Variants in TRAP1 observed in about 807,000 individuals in gnomAD.
TRAP1 encodes the protein heat shock protein 75 kDa, mitochondrial.
Under a neutral mutation model 89.1 loss-of-function variants are expected in TRAP1, and 102 were observed. That is an observed-to-expected ratio of 1.15 (90% confidence interval 0.98 to 1.35). The LOEUF (loss-of-function observed/expected upper bound fraction) is 1.35. Among genes scored for constraint, TRAP1 ranks in the 40% most tolerant of loss-of-function variants. The pLI is 0.00. For synonymous variants in TRAP1, 508 were observed against 388.0 expected (o/e 1.31, Z -3.64); for missense variants, 1,256 against 945.3 (o/e 1.33, Z -4.31).
In TRAP1 at chr16:3,680,192, G is replaced by A. The variant is rs151121304; in HGVS notation, c.472-402C>T. 105 of 168,230 alleles carry A rather than the reference G, an allele frequency of 6.2e-4. 1 individual carries two copies. Among genetic ancestry groups the A allele is most frequent in the African/African-American group, 1.7e-3 (70 of 41,964 alleles). The allele number at this position is 168,230 out of a possible 1,614,324, so 10.4% of individuals were successfully genotyped here. Reference sequence around the variant, plus strand: ...AGAGACTGCAGTGAACTGAGATTGCGCCACTGCACTCCAGCCTGGGTGACA... The same window carrying A: ...AGAGACTGCAGTGAACTGAGATTGCACCACTGCACTCCAGCCTGGGTGACA... On this transcript the variant is annotated intron_variant, in intron 4 of 17. Transcript: ENST00000246957.
At chr16:3,663,766 C>G in intron 13 of TRAP1, 1 of 611,816 alleles carries the variant, frequency 1.6e-6, no homozygotes. Flanking sequence ...GGCAGAAGCA[C>G]TCCACGCATA....
At chr16:3,672,587 G>A (rs1268248144) in intron 10 of TRAP1, 113 bp downstream of exon 10, 1 of 1,438,124 alleles carries the variant, frequency 7.0e-7, no homozygotes, top group Non-Finnish European at 9.1e-7. Context: ...CAGGCCGACG[G>A]CGGTGCTCTC....
chr16:3,698,724 T>A (rs773841010), intron 1 of TRAP1, among the ~76,000 whole-genome samples: 1 of 151,898 alleles, frequency 6.6e-6, no homozygotes, highest in South Asian at 2.1e-4. Flanking sequence ...CTGGGTAACA[T>A]GGCAAAACCC....
rs557036117 is a variant in TRAP1 at position 3,695,946 on chromosome 16, G to T, written c.89-4961C>A. Among the ~76,000 whole-genome samples, 4 of 152,304 alleles carry T rather than the reference G, an allele frequency of 2.6e-5. No homozygotes were observed. The East Asian group carries it at 7.7e-4, about 29-fold the overall frequency. On this transcript the variant is annotated intron_variant, in intron 1 of 17. Transcript: ENST00000246957. ...ACTGGAGGTACAGGCATCAGTACAG[G>T]CTCACAACCTTTGCCATGTGTACAG... is the stretch of plus-strand genomic sequence containing the variant.
chr16:3,697,252 C>T (rs926593358), intron 1 of TRAP1, among the ~76,000 whole-genome samples: 7 of 152,120 alleles, frequency 4.6e-5, no homozygotes, highest in Non-Finnish European at 8.8e-5. Context: ...AGCACTGTCC[C>T]GTATTTTTAA....
chr16:3,700,329 G>C (rs2051348892), intron 1 of TRAP1, among the ~76,000 whole-genome samples: 1 of 151,816 alleles, frequency 6.6e-6, no homozygotes, highest in Non-Finnish European at 1.5e-5. Context: ...CACCACGCCT[G>C]GCTAATTTTG....
chr16:3,700,770 G>A (rs2051354900), intron 1 of TRAP1, among the ~76,000 whole-genome samples: 1 of 151,990 alleles, frequency 6.6e-6, no homozygotes, highest in South Asian at 2.1e-4. Flanking sequence ...CTGGCCAAGG[G>A]TGCATATTTC....
rs866662532 is a variant in TRAP1, at chr16:3,685,658, G to A, written c.471+338C>T. 3.9e-5 allele frequency among the ~76,000 whole-genome samples: 6 copies of A among 152,118 alleles called. No homozygotes were observed. In the South Asian group the frequency reaches 6.2e-4, roughly 16 times the overall value. ...TTCGTCGGCATTTTGAGGGGAAAAC[G>A]CAGTTAAAAATATGAAAAGAGTACA... On this transcript the variant is annotated intron_variant, in intron 4 of 17. Coordinates refer to ENST00000246957, the MANE Select transcript of TRAP1 (RefSeq NM_016292.3).
Position 3,674,498 on chromosome 16 carries a change from G to A in TRAP1, c.889-4C>T, listed in dbSNP as rs758767536. On this transcript the variant is annotated splice_polypyrimidine_tract_variant and splice_region_variant and intron_variant, in intron 8 of 17. Coordinates refer to ENST00000246957, the MANE Select transcript of TRAP1 (RefSeq NM_016292.3). ...TGGGGTCCATCATCCAGATGGCCTG[G>A]AAACGGAGATCGGCGGGGAGGGCGT... 2.4e-4 allele frequency: 395 copies of A among 1,613,652 alleles called. 1 individual carries two copies. Among genetic ancestry groups the A allele is most frequent in the Non-Finnish European group, 3.1e-4 (368 of 1,179,962 alleles).
At chr16:3,692,371 A>G (rs1486083310) in intron 1 of TRAP1, among the ~76,000 whole-genome samples, 1 of 151,908 alleles carries the variant, frequency 6.6e-6, no homozygotes, top group East Asian at 2.0e-4. Context: ...CCCCATCTGT[A>G]CTAAAAATAC....
intron 17 of TRAP1, 118 bp from the exon 18 acceptor site, chr16:3,658,348 C>A: frequency 1.3e-6 from 1 of 788,956 alleles, no homozygotes; most frequent in Non-Finnish European, 2.1e-6. Flanking sequence ...GATCTCGGCT[C>A]ACTGCAACCT....
At chr16:3,663,054 C>T (rs1220787345) in intron 14 of TRAP1, 87 bp from the exon 15 acceptor site, 3 of 1,002,910 alleles carry the variant, frequency 3.0e-6, no homozygotes, top group Non-Finnish European at 4.4e-6. Context: ...TTCCAGCTCC[C>T]ACCTCCTCTC....
chr16:3,676,316 T>C (rs2050993294), intron 6 of TRAP1, 171 bp from the exon 7 acceptor site: 2 of 319,326 alleles, frequency 6.3e-6, no homozygotes, highest in Non-Finnish European at 1.1e-5. Context: ...CACATGCCCA[T>C]CAGGAACGAT....
rs554176042 is a variant in TRAP1 at position 3,679,728 on chromosome 16, C to T, written c.534G>A (p.Ser178=). 2.2e-5 allele frequency: 36 copies of T among 1,614,104 alleles called. No individual in the cohort carries two copies. Among genetic ancestry groups the T allele is most frequent in the South Asian group, 1.9e-4 (17 of 91,092 alleles). ...LVSNLGTIAR[S]GSKAFLDALQ... is the part of the protein sequence containing the mutation. ...GGGGCCCCACGCTTACCTTTGACCC[C>T]GATCTGGCAATCGTCCCCAGGTTGG... Residue 178 remains serine, a synonymous_variant, in exon 5 of 18, where the codon TCG becomes TCA. Transcript: ENST00000246957.
chr16:3,690,972 C>T lies in TRAP1; in HGVS notation c.102G>A (p.Leu34=). The part of the protein sequence containing the change: ...LAAVPGGKPI[L]CPRRTTAQLG... ...ACTGGGCTGTGGTCCTCCGAGGACA[C>T]AGAATTGGTTTTCCTGAAAAGACAA... The change falls in exon 2 of 18, where the codon CTG becomes CTA. Residue 34 remains leucine (L), a synonymous_variant. Transcript: ENST00000246957. The T allele has an allele frequency of 1.3e-6, 2 of 1,520,104 alleles. No homozygotes were observed. The highest frequency in any genetic ancestry group is 1.4e-5 in the African/African-American group (1 of 70,338). The allele number at this position is 1,520,104 out of a possible 1,614,324, so 94.2% of individuals were successfully genotyped here.
Position 3,666,053 on chromosome 16 carries a change from G to GC in TRAP1, c.1300dup (p.Ala434GlyfsTer2), listed in dbSNP as rs747565268. On this transcript the variant is annotated frameshift_variant, in exon 12 of 18. Transcript: ENST00000246957. LOFTEE classifies it high-confidence loss of function. ...TTCAAAAAACTTTGCATACTTCTCA[G>GC]CATCTTTTTTACTCTGGTCAATGAA... 5 of 1,614,148 alleles carry GC rather than the reference G, an allele frequency of 3.1e-6. No individual in the cohort carries two copies. The highest frequency in any genetic ancestry group is 3.4e-6 in the Non-Finnish European group (4 of 1,180,020).
chr16:3,682,870 A>G (rs374966093), intron 4 of TRAP1, among the ~76,000 whole-genome samples: 1 of 151,992 alleles, frequency 6.6e-6, no homozygotes, highest in East Asian at 1.9e-4. Context: ...AAACAAACAT[A>G]AAAACCTTCC....
rs546037417 is a variant in TRAP1 at position 3,690,476 on chromosome 16, G to A, written c.247+351C>T. On this transcript the variant is annotated intron_variant, in intron 2 of 17. Transcript: ENST00000246957. ...AAAGACTGCTTTTTTATACTTCAGA[G>A]GGAATGAAAAGACAGCTCCAGAATT... 1.2e-4 allele frequency among the ~76,000 whole-genome samples: 18 copies of A among 152,324 alleles called. No homozygotes were observed. In the East Asian group the frequency reaches 2.7e-3, roughly 23 times the overall value.
At chr16:3,707,851 C>T (rs1357564248) in intron 1 of TRAP1, among the ~76,000 whole-genome samples, 5 of 101,312 alleles carry the variant, frequency 4.9e-5, no homozygotes, top group Non-Finnish European at 9.1e-5. Flanking sequence ...GAGCGAGACT[C>T]TAACTCAAAA....
Sources: allele counts gnomAD v4.1 joint callset (sites outside exome capture counted in the v4.1 genomes callset), GRCh38; gene constraint gnomAD v4.1.1; transcripts MANE v1.5; gene names NCBI Gene and HGNC (gene_info 2026-07-23, HGNC 2026-07-21).